Variants in GPC5 observed in about 807,000 individuals in gnomAD.
GPC5 encodes glypican 5.
A neutral mutation model predicts 53.9 loss-of-function variants in GPC5; 47 were observed. The observed-to-expected ratio is 0.87, with a 90% confidence interval of 0.69 to 1.11. The LOEUF is 1.11. GPC5 is among the 50% of genes most tolerant of loss of function. The probability of loss-of-function intolerance (pLI) is 0.00; values close to 1 mark genes in which losing one functional copy is unlikely to be tolerated. For synonymous variants in GPC5, 286 were observed against 263.3 expected, an observed-to-expected ratio of 1.09 and a Z score of -0.84; for missense variants, 748 against 713.1, an observed-to-expected ratio of 1.05 and a Z score of -0.56.
intron 6 of GPC5, among the ~76,000 whole-genome samples, chr13:92,096,745 A>G (rs1247796462): frequency 1.3e-5 from 2 of 152,190 alleles, no homozygotes; most frequent in African/African-American, 4.8e-5. Flanking sequence ...CCATGTTGGT[A>G]TGTTGTTCTT....
intron 7 of GPC5, among the ~76,000 whole-genome samples, chr13:92,770,200 GC>G (rs1419360365): frequency 6.6e-6 from 1 of 151,992 alleles, no homozygotes; most frequent in Non-Finnish European, 1.5e-5. Flanking sequence ...AATTACTTGA[GC>G]CCATGAGTTC....
intron 6 of GPC5, among the ~76,000 whole-genome samples, chr13:91,936,716 GA>G: frequency 6.7e-6 from 1 of 149,718 alleles, no homozygotes; most frequent in East Asian, 2.0e-4. Context: ...TATCTCCTCT[GA>G]AATTGGCTCA....
intron 7 of GPC5, among the ~76,000 whole-genome samples, chr13:92,407,847 G>A (rs1875860639): frequency 6.6e-6 from 1 of 152,108 alleles, no homozygotes; most frequent in South Asian, 2.1e-4. Context: ...CTATGAACAA[G>A]ATAAAGATAA....
intron 2 of GPC5, among the ~76,000 whole-genome samples, chr13:91,680,461 C>T (rs1002596176): frequency 6.6e-6 from 1 of 151,916 alleles, no homozygotes; most frequent in Admixed American, 6.6e-5. Context: ...AACAAACAAA[C>T]AAACAAAAAA....
At chr13:91,401,921 T>C (rs1007045685) in intron 1 of GPC5, among the ~76,000 whole-genome samples, 1 of 151,126 alleles carries the variant, frequency 6.6e-6, no homozygotes, top group African/African-American at 2.4e-5. Context: ...GAGATTTCCC[T>C]GTGTTCCGAT....
intron 6 of GPC5, among the ~76,000 whole-genome samples, chr13:92,134,872 G>A: frequency 6.6e-6 from 1 of 151,914 alleles, no homozygotes; most frequent in East Asian, 1.9e-4. Context: ...GTGTGTGTGG[G>A]CAAATGAAAG....
At chr13:91,804,409 A>G (rs986915188) in intron 5 of GPC5, among the ~76,000 whole-genome samples, 1 of 152,214 alleles carries the variant, frequency 6.6e-6, no homozygotes, top group African/African-American at 2.4e-5. Context: ...GTGCCAGCAC[A>G]TGCTTTACAA....
intron 7 of GPC5, among the ~76,000 whole-genome samples, chr13:92,608,005 T>G (rs191708155): frequency 1.5e-3 from 221 of 152,306 alleles, no homozygotes; most frequent in Middle Eastern, 0.014. Flanking sequence ...GTAAATATAT[T>G]TCCTTATGAT....
intron 2 of GPC5, among the ~76,000 whole-genome samples, chr13:91,462,973 T>C (rs776406608): frequency 2.0e-5 from 3 of 152,072 alleles, no homozygotes; most frequent in Non-Finnish European, 2.9e-5. Flanking sequence ...TATTTAATGA[T>C]TGGTACCACT....
intron 7 of GPC5, among the ~76,000 whole-genome samples, chr13:92,737,170 G>A (rs754160549): frequency 2.2e-4 from 33 of 151,962 alleles, no homozygotes; most frequent in African/African-American, 6.0e-4. Flanking sequence ...TACAGACAGC[G>A]AGTATATATT....
intron 7 of GPC5, among the ~76,000 whole-genome samples, chr13:92,509,198 C>CAAT (rs1168351414): frequency 2.0e-5 from 3 of 152,196 alleles, no homozygotes; most frequent in Non-Finnish European, 4.4e-5. Context: ...CCAGCAACAT[C>CAAT]AATCCGCTAA....
At chr13:91,914,673 C>T (rs75534428) in intron 6 of GPC5, among the ~76,000 whole-genome samples, 2 of 27,032 alleles carry the variant, frequency 7.4e-5, no homozygotes, top group Admixed American at 2.7e-4. Context: ...CTTAGGATAC[C>T]GATATAATAA....
At chr13:92,767,619 G>C (rs973861748) in intron 7 of GPC5, among the ~76,000 whole-genome samples, 3 of 152,172 alleles carry the variant, frequency 2.0e-5, no homozygotes, top group African/African-American at 7.2e-5. Context: ...TTCACAGAAA[G>C]TGAAACTTCA....
At chr13:92,276,163 G>A (rs953263468) in intron 7 of GPC5, among the ~76,000 whole-genome samples, 6 of 152,106 alleles carry the variant, frequency 3.9e-5, no homozygotes, top group African/African-American at 1.4e-4. Context: ...TACTTGGGCT[G>A]ATACAACATA....
intron 6 of GPC5, among the ~76,000 whole-genome samples, chr13:92,120,914 G>C (rs1339228564): frequency 6.6e-6 from 1 of 151,964 alleles, no homozygotes; most frequent in Non-Finnish European, 1.5e-5. Flanking sequence ...AATTCTTCTT[G>C]AAATTATTGT....
At chr13:92,225,704 T>C (rs2182533) in intron 7 of GPC5, among the ~76,000 whole-genome samples, 35,373 of 152,000 alleles carry the variant, frequency 0.23, 4,349 homozygotes, top group African/African-American at 0.31. Context: ...ACATGCATCA[T>C]AATATGAACT....
chr13:92,378,991 A>G (rs1001914485), intron 7 of GPC5, among the ~76,000 whole-genome samples: 5 of 152,224 alleles, frequency 3.3e-5, no homozygotes, highest in African/African-American at 1.2e-4. Context: ...AGTCATAGAG[A>G]TTACATAATA....
intron 7 of GPC5, among the ~76,000 whole-genome samples, chr13:92,734,831 A>G (rs1888895753): frequency 1.3e-5 from 2 of 151,894 alleles, no homozygotes; most frequent in Admixed American, 6.6e-5. Context: ...TTCCAACACA[A>G]ATACTTTGCA....
At chr13:92,568,101 C>A (rs1469112410) in intron 7 of GPC5, among the ~76,000 whole-genome samples, 2 of 152,002 alleles carry the variant, frequency 1.3e-5, no homozygotes, top group Non-Finnish European at 2.9e-5. Context: ...GCAGGAGAAT[C>A]ACTTGAGGCC....
Sources: gnomAD v4.1 joint callset for allele counts (sites outside exome capture counted in the v4.1 genomes callset) on GRCh38, gnomAD v4.1.1 for gene constraint, MANE v1.5 for transcripts, NCBI Gene and HGNC (gene_info 2026-07-23, HGNC 2026-07-21) for gene names.